The following CAST variants were observed in gnomAD, a reference collection of about 807,000 sequenced individuals.
The protein encoded by CAST is MIR583 host.
Under a neutral mutation model 119.6 loss-of-function variants are expected in CAST, and 76 were observed. That is an observed-to-expected ratio of 0.64 (90% CI 0.53 to 0.77). The LOEUF is 0.77. Among genes scored for constraint, CAST ranks in the 30% least tolerant of loss-of-function variants. CAST has a pLI of 0.00. For missense variants in CAST, 953 were observed against 946.5 expected (o/e 1.01, Z -0.09); for synonymous variants, 319 against 331.6 (o/e 0.96, Z 0.41).
chr5:96,300,475 G>A, the CAST span, among the ~76,000 whole-genome samples: 11 of 152,076 alleles, frequency 7.2e-5, no homozygotes, highest in South Asian at 2.1e-4. Flanking sequence ...TTTTTATGCC[G>A]ATACCATGCT....
the CAST span, among the ~76,000 whole-genome samples, chr5:96,418,639 T>C: frequency 2.0e-5 from 3 of 152,208 alleles, no homozygotes; most frequent in Non-Finnish European, 4.4e-5. Flanking sequence ...AATTGGGGTA[T>C]AATACCTCTC....
At chr5:96,379,242 A>G in the CAST span, among the ~76,000 whole-genome samples, 3 of 152,196 alleles carry the variant, frequency 2.0e-5, no homozygotes, top group Non-Finnish European at 2.9e-5. Flanking sequence ...TGTTACAAAT[A>G]TATGTATGTA....
chr5:96,182,301 A>T, the CAST span, among the ~76,000 whole-genome samples: 8 of 152,172 alleles, frequency 5.3e-5, no homozygotes, highest in African/African-American at 1.7e-4. Flanking sequence ...TGAACTTGAG[A>T]TCCTTGGCTG....
At chr5:96,003,325 T>TC in the CAST span, among the ~76,000 whole-genome samples, 61 of 151,946 alleles carry the variant, frequency 4.0e-4, no homozygotes, top group African/African-American at 1.4e-3. Context: ...GATCATGAGG[T>TC]CAGGAGATCG....
the CAST span, among the ~76,000 whole-genome samples, chr5:96,005,037 A>G: frequency 6.6e-6 from 1 of 152,240 alleles, no homozygotes; most frequent in East Asian, 1.9e-4. Context: ...ATTCTGAGAG[A>G]AAATATTTTT....
chr5:96,754,799 G>T (rs747070202), intron 22 of CAST, 58 bp downstream of exon 22: 4 of 966,840 alleles, frequency 4.1e-6, no homozygotes, highest in Non-Finnish European at 6.6e-6. Context: ...TTCATACACA[G>T]AACAAAGGTA....
chr5:96,142,826 G>A, the CAST span, among the ~76,000 whole-genome samples: 7 of 152,140 alleles, frequency 4.6e-5, no homozygotes, highest in Admixed American at 6.5e-5. Flanking sequence ...TCAAAATAAA[G>A]CACATCTGAA....
intron 1 of CAST, among the ~76,000 whole-genome samples, chr5:96,674,828 C>A (rs1330434303): frequency 6.6e-6 from 1 of 152,116 alleles, no homozygotes; most frequent in Non-Finnish European, 1.5e-5. Flanking sequence ...GTCCTCACCA[C>A]AAGAAATGAT....
At chr5:96,187,790 A>G in the CAST span, among the ~76,000 whole-genome samples, 29 of 152,214 alleles carry the variant, frequency 1.9e-4, no homozygotes, top group Non-Finnish European at 4.3e-4. Flanking sequence ...ACAGCTACGT[A>G]AATGTTATGT....
intron 1 of CAST, among the ~76,000 whole-genome samples, chr5:96,624,802 G>A (rs1385747753): frequency 1.3e-5 from 2 of 152,148 alleles, no homozygotes; most frequent in African/African-American, 2.4e-5. Flanking sequence ...ATGAACCAGC[G>A]CCATTTAATA....
chr5:96,730,828 A>G lies in CAST; in HGVS notation c.598A>G (p.Ile200Val). The G allele has an allele frequency of 6.2e-7, 1 of 1,614,036 alleles. No individual in the cohort carries two copies. Among genetic ancestry groups the G allele is most frequent in the South Asian group, 1.1e-5 (1 of 91,084 alleles). The part of the protein sequence containing the change: ...ISAGGESVAG[I>V]TAISGKPGDK... Reference sequence around the variant, plus strand: ...TGCTGGTGGAGAGAGTGTTGCTGGTATCACTGCAATATCTGGCAAGCCGGG... The same window carrying G: ...TGCTGGTGGAGAGAGTGTTGCTGGTGTCACTGCAATATCTGGCAAGCCGGG... Residue 200 changes from isoleucine to valine, a missense_variant, in exon 9 of 32, where the codon ATC becomes GTC. Ile to Val is a conservative substitution (Grantham distance 29). Coordinates refer to ENST00000675179, the MANE Select transcript of CAST (RefSeq NM_001750.7).
At chr5:96,173,807 C>G in the CAST span, among the ~76,000 whole-genome samples, 3 of 151,318 alleles carry the variant, frequency 2.0e-5, no homozygotes, top group African/African-American at 7.3e-5. Context: ...GTGGCGCCAT[C>G]TCGGCTCACT....
intron 1 of CAST, among the ~76,000 whole-genome samples, chr5:96,627,800 G>A (rs762237085): frequency 6.6e-6 from 1 of 152,210 alleles, no homozygotes; most frequent in Non-Finnish European, 1.5e-5. Context: ...CTACTGGAAG[G>A]CATTAGAAAA....
the CAST span, among the ~76,000 whole-genome samples, chr5:96,241,406 T>A: frequency 6.6e-6 from 1 of 152,130 alleles, no homozygotes; most frequent in African/African-American, 2.4e-5. Flanking sequence ...CAATTTTTTA[T>A]GGCTGCATAG....
At chr5:96,313,170 C>T in the CAST span, among the ~76,000 whole-genome samples, 1 of 152,010 alleles carries the variant, frequency 6.6e-6, no homozygotes, top group Non-Finnish European at 1.5e-5. Flanking sequence ...TTTTTTCTGT[C>T]TTAGACATAA....
the CAST span, among the ~76,000 whole-genome samples, chr5:96,098,913 C>T: frequency 6.6e-6 from 1 of 152,230 alleles, no homozygotes; most frequent in South Asian, 2.1e-4. Flanking sequence ...TTGCTTTGGG[C>T]AGTATGGCCA....
chr5:96,532,938 T>C (rs1745717096), intron 1 of CAST, among the ~76,000 whole-genome samples: 1 of 151,854 alleles, frequency 6.6e-6, no homozygotes, highest in African/African-American at 2.4e-5. Context: ...GGTGGGAGGA[T>C]TGCTTGAGCC....
chr5:96,528,706 C>T (rs1745638468), upstream of CAST, among the ~76,000 whole-genome samples: 1 of 152,010 alleles, frequency 6.6e-6, no homozygotes, highest in African/African-American at 2.4e-5. Flanking sequence ...TCATTAAAAC[C>T]AAAAATTATA....
At chr5:96,069,359 G>GTGTGTGTGTGTGTGTGTGTGTGTCTA in the CAST span, among the ~76,000 whole-genome samples, 2 of 64,044 alleles carry the variant, frequency 3.1e-5, no homozygotes, top group Non-Finnish European at 8.1e-5. Flanking sequence ...GTATGTATGT[G>GTGTGTGTGTGTGTGTGTGTGTGTCTA]TGTGTGTGTG....
Sources: allele counts gnomAD v4.1 joint callset (sites outside exome capture counted in the v4.1 genomes callset), GRCh38; gene constraint gnomAD v4.1.1; transcripts MANE v1.5; gene names NCBI Gene and HGNC (gene_info 2026-07-23, HGNC 2026-07-21).